The following COPG2 variants were observed in gnomAD, a reference collection of about 807,000 sequenced individuals.
COPG2 encodes coatomer subunit gamma-2.
In COPG2, 37 loss-of-function variants were observed where a neutral mutation model predicts 46.3. The observed-to-expected ratio is 0.80, with a 90% CI of 0.61 to 1.05. The LOEUF (loss-of-function observed/expected upper bound fraction) is 1.05, where lower values mean the gene tolerates loss of function less well. Among genes scored for constraint, COPG2 ranks in the 50% least tolerant of loss-of-function variants. The probability of loss-of-function intolerance (pLI) is 0.00; values close to 1 mark genes in which losing one functional copy is unlikely to be tolerated. For synonymous variants in COPG2, 159 were observed against 129.7 expected (o/e 1.23, Z -1.53); for missense variants, 427 against 387.8 (o/e 1.10, Z -0.85).
intron 9 of COPG2, among the ~76,000 whole-genome samples, chr7:130,586,033 A>G (rs1033896513): frequency 6.6e-6 from 1 of 152,108 alleles, no homozygotes; most frequent in Non-Finnish European, 1.5e-5. Flanking sequence ...TTATAGCAGT[A>G]CAATTTGCAA....
chr7:130,569,687 A>C (rs1345769393), intron 9 of COPG2, among the ~76,000 whole-genome samples: 3 of 152,182 alleles, frequency 2.0e-5, no homozygotes, highest in African/African-American at 7.2e-5. Context: ...GAAAGAGTGA[A>C]TCCTCCTTAA....
chr7:130,638,038 G>C (rs1378406684), intron 5 of COPG2, among the ~76,000 whole-genome samples: 1 of 152,126 alleles, frequency 6.6e-6, no homozygotes, highest in East Asian at 1.9e-4. Flanking sequence ...TGTTTGCCTG[G>C]GTATCACCAG....
At chr7:130,577,704 T>C (rs1409101403) in intron 9 of COPG2, among the ~76,000 whole-genome samples, 4 of 139,844 alleles carry the variant, frequency 2.9e-5, no homozygotes, top group African/African-American at 1.1e-4. Flanking sequence ...GAGCTTGCAG[T>C]GAGCCGAGAT....
intron 5 of COPG2, among the ~76,000 whole-genome samples, chr7:130,630,996 C>T (rs1240402935): frequency 6.6e-6 from 1 of 152,082 alleles, no homozygotes; most frequent in South Asian, 2.1e-4. Context: ...TGTCACTGCA[C>T]TGAGTGACCC....
chr7:130,623,519 T>C (rs1322087126), intron 5 of COPG2, among the ~76,000 whole-genome samples: 1 of 152,206 alleles, frequency 6.6e-6, no homozygotes. Context: ...ACCCAATCCC[T>C]CATGGTTTTC....
At chr7:130,527,160 A>G (rs1799782614) in intron 20 of COPG2, among the ~76,000 whole-genome samples, 1 of 151,764 alleles carries the variant, frequency 6.6e-6, no homozygotes, top group Non-Finnish European at 1.5e-5. Flanking sequence ...ATGGGTGTCC[A>G]TAACACCTGA....
intron 9 of COPG2, among the ~76,000 whole-genome samples, chr7:130,599,382 A>G (rs1794590252): frequency 6.6e-6 from 1 of 152,210 alleles, no homozygotes. Flanking sequence ...TCATTAACAT[A>G]CTAAGTCACA....
intron 10 of COPG2, 76 bp downstream of exon 10, chr7:130,564,184 A>G: frequency 1.8e-5 from 7 of 398,430 alleles, no homozygotes; most frequent in Middle Eastern, 6.3e-4. Flanking sequence ...CATTCTTAAT[A>G]CCTATTCTGT....
intron 20 of COPG2, among the ~76,000 whole-genome samples, chr7:130,541,013 G>T (rs1799930294): frequency 6.6e-6 from 1 of 152,220 alleles, no homozygotes; most frequent in Non-Finnish European, 1.5e-5. Flanking sequence ...ATTCTCGGGT[G>T]AGAATCACTG....
intron 5 of COPG2, among the ~76,000 whole-genome samples, chr7:130,629,799 G>C (rs2116540694): frequency 1.3e-5 from 2 of 152,164 alleles, no homozygotes; most frequent in South Asian, 4.2e-4. Context: ...CATTTTTATA[G>C]ACCTATCTTC....
chr7:130,527,337 G>A (rs1442676552), intron 20 of COPG2, among the ~76,000 whole-genome samples: 1 of 151,234 alleles, frequency 6.6e-6, no homozygotes, highest in African/African-American at 2.4e-5. Context: ...GTAAGGGAGG[G>A]AAATGCTAAG....
At chr7:130,510,590 C>T (rs1554440903) in intron 20 of COPG2, among the ~76,000 whole-genome samples, 1 of 152,114 alleles carries the variant, frequency 6.6e-6, no homozygotes. Flanking sequence ...AGATCACAGA[C>T]TGGGCACAGG....
chr7:130,507,769 T>C lies in COPG2; in HGVS notation c.2302A>G (p.Asn768Asp), dbSNP rs1554440419. 2 of 780,652 alleles carry C rather than the reference T, an allele frequency of 2.6e-6. No individual in the cohort carries two copies. Among genetic ancestry groups the C allele is most frequent in the Admixed American group, 1.7e-5 (1 of 59,008 alleles). 48.4% of individuals were successfully genotyped at this position (780,652 alleles called of 1,614,324 possible). The change falls in exon 22 of 24, where the codon AAC becomes GAC. Residue 768 changes from asparagine (N) to aspartate (D), a missense_variant. By Grantham distance (23) the Asn-to-Asp change is conservative. Transcript: ENST00000425248. The stretch of plus-strand genomic sequence containing the variant: ...ACCTCTTCCCAAGCAGCAGCAAAGT[T>C]AGGCTTCAGTACTTTCTGAATATGG... ...SDHIQKVLKP[N>D]FAAAWEEVGD...
chr7:130,581,723 A>G (rs371445268), intron 9 of COPG2, among the ~76,000 whole-genome samples: 49,451 of 131,084 alleles, frequency 0.38, 10,278 homozygotes, highest in East Asian at 0.52. Context: ...AGAGAGCCAA[A>G]TCATGAGTGA....
At chr7:130,637,915 G>T (rs996288284) in intron 5 of COPG2, among the ~76,000 whole-genome samples, 4 of 152,144 alleles carry the variant, frequency 2.6e-5, no homozygotes, top group African/African-American at 9.7e-5. Context: ...CTGTGTGGAT[G>T]TCCTTTTTGT....
chr7:130,578,664 G>A (rs1421475123), intron 9 of COPG2, among the ~76,000 whole-genome samples: 1 of 152,136 alleles, frequency 6.6e-6, no homozygotes, highest in Non-Finnish European at 1.5e-5. Context: ...GGAGGTGATG[G>A]AGCTGAAAAC....
At chr7:130,592,072 C>T (rs1488333070) in intron 9 of COPG2, among the ~76,000 whole-genome samples, 7 of 152,162 alleles carry the variant, frequency 4.6e-5, no homozygotes, top group Non-Finnish European at 7.4e-5. Context: ...AATTCTTCTG[C>T]CTTGGGATCC....
At chr7:130,601,376 T>C (rs1419220813) in intron 9 of COPG2, among the ~76,000 whole-genome samples, 2 of 152,186 alleles carry the variant, frequency 1.3e-5, no homozygotes, top group African/African-American at 2.4e-5. Context: ...ATGTTTATTG[T>C]GGCACTATTC....
intron 9 of COPG2, chr7:130,610,612 C>G (rs781933694): frequency 5.6e-6 from 3 of 531,934 alleles, no homozygotes; most frequent in Non-Finnish European, 1.1e-5. Flanking sequence ...TGCAGTACTT[C>G]AACATTCTCT....
Sources: allele counts gnomAD v4.1 joint callset (sites outside exome capture counted in the v4.1 genomes callset), GRCh38; gene constraint gnomAD v4.1.1; transcripts MANE v1.5; gene names NCBI Gene and HGNC (gene_info 2026-07-23, HGNC 2026-07-21).